Variants in LHFPL3 observed in about 807,000 individuals in gnomAD.
The protein encoded by LHFPL3 is LHFPL tetraspan subfamily member 3.
In LHFPL3, 5 loss-of-function variants were observed where a neutral mutation model predicts 19.3. The ratio of observed to expected loss-of-function variants is 0.26; its 90% CI spans 0.14 to 0.54. LHFPL3 has a LOEUF of 0.54. Ranked by LOEUF, LHFPL3 falls within the 20% of genes least tolerant of loss-of-function variation. The probability of loss-of-function intolerance (pLI) is 0.94; values close to 1 mark genes in which losing one functional copy is unlikely to be tolerated. For missense variants in LHFPL3, 249 were observed against 307.4 expected (o/e 0.81, Z 1.42); for synonymous variants, 133 against 126.2 (o/e 1.05, Z -0.36).
chr7:104,627,054 T>A (rs958944429), intron 1 of LHFPL3, among the ~76,000 whole-genome samples: 9 of 152,218 alleles, frequency 5.9e-5, no homozygotes, highest in African/African-American at 2.2e-4. Flanking sequence ...ATAGCCCACA[T>A]GTTTTACAGT....
chr7:104,480,203 T>C (rs1300288352), intron 1 of LHFPL3, among the ~76,000 whole-genome samples: 1 of 152,210 alleles, frequency 6.6e-6, no homozygotes, highest in Non-Finnish European at 1.5e-5. Context: ...TCTCTGAGCC[T>C]CTTCCTTTAA....
chr7:104,870,686 T>G (rs1425034063), intron 2 of LHFPL3, among the ~76,000 whole-genome samples: 1 of 152,164 alleles, frequency 6.6e-6, no homozygotes, highest in African/African-American at 2.4e-5. Flanking sequence ...GCCCAGCTGA[T>G]GCAGAGAAGA....
intron 1 of LHFPL3, among the ~76,000 whole-genome samples, chr7:104,710,440 T>A (rs1037571402): frequency 6.6e-6 from 1 of 152,206 alleles, no homozygotes; most frequent in African/African-American, 2.4e-5. Context: ...TCTCACCAAT[T>A]CTTAGGTGAA....
intron 1 of LHFPL3, among the ~76,000 whole-genome samples, chr7:104,459,718 C>A (rs1179683700): frequency 6.6e-6 from 1 of 152,096 alleles, no homozygotes; most frequent in African/African-American, 2.4e-5. Context: ...TATTCTTGTC[C>A]TTTTGTTCCT....
intron 1 of LHFPL3, among the ~76,000 whole-genome samples, chr7:104,641,123 G>C (rs1791824881): frequency 6.6e-6 from 1 of 152,114 alleles, no homozygotes; most frequent in African/African-American, 2.4e-5. Context: ...CTGTGTTTTG[G>C]TACTGCATTA....
rs934500075 is a variant in LHFPL3 at position 104,399,892 on chromosome 7, G to A, written c.445+70668G>A. Among the ~76,000 whole-genome samples, 13 of 151,124 alleles carry A rather than the reference G, an allele frequency of 8.6e-5. No homozygotes were observed. Among genetic ancestry groups the A allele is most frequent in the Non-Finnish European group, 1.0e-4 (7 of 67,762 alleles). ...GAGCCGAGGCAGGTGGATCACGTGA[G>A]GTCGAGTTTGAGACCAGCCTGGCCA... On this transcript the variant is annotated intron_variant, in intron 1 of 2. Transcript: ENST00000424859. The surrounding 1 kb of genome is among the most constrained non-coding windows in gnomAD (Gnocchi z 4.4).
At chr7:104,807,396 C>G (rs924489056) in intron 2 of LHFPL3, among the ~76,000 whole-genome samples, 1 of 152,178 alleles carries the variant, frequency 6.6e-6, no homozygotes, top group Non-Finnish European at 1.5e-5. Context: ...TCCTGGACTT[C>G]TAGTCTGCAG....
At chr7:104,466,337 G>C (rs569197825) in intron 1 of LHFPL3, among the ~76,000 whole-genome samples, 20 of 152,260 alleles carry the variant, frequency 1.3e-4, no homozygotes, top group African/African-American at 4.8e-4. Flanking sequence ...TGAATTGAAG[G>C]GCTAAAGTGC....
At chr7:104,554,184 G>A (rs1794714576) in intron 1 of LHFPL3, among the ~76,000 whole-genome samples, 1 of 151,934 alleles carries the variant, frequency 6.6e-6, no homozygotes, top group Non-Finnish European at 1.5e-5. Context: ...CCTTGTGTTT[G>A]CTTGTTTTGC....
intron 1 of LHFPL3, among the ~76,000 whole-genome samples, chr7:104,342,828 T>G (rs1447129055): frequency 6.6e-6 from 1 of 152,214 alleles, no homozygotes; most frequent in Non-Finnish European, 1.5e-5. Flanking sequence ...AATTTGAAAC[T>G]GTACTGATAG....
At chr7:104,846,469 A>C (rs1791314565) in intron 2 of LHFPL3, among the ~76,000 whole-genome samples, 1 of 152,100 alleles carries the variant, frequency 6.6e-6, no homozygotes, top group Non-Finnish European at 1.5e-5. Flanking sequence ...CAGTGTTGAG[A>C]CCCAACCCAT....
At chr7:104,616,038 A>G (rs1260273575) in intron 1 of LHFPL3, among the ~76,000 whole-genome samples, 4 of 152,234 alleles carry the variant, frequency 2.6e-5, no homozygotes, top group African/African-American at 9.6e-5. Context: ...GGAAGAATCA[A>G]TATCGTGAAA....
chr7:104,416,186 T>C (rs1334208429), intron 1 of LHFPL3, among the ~76,000 whole-genome samples: 1 of 152,032 alleles, frequency 6.6e-6, no homozygotes, highest in Non-Finnish European at 1.5e-5. Flanking sequence ...TGACAACAGG[T>C]GCAGGGAGTG....
At position 104,328,606 on chromosome 7, in the gene LHFPL3, C is replaced by T. The variant is rs565470415; in HGVS notation, c.-174C>T. The T allele has an allele frequency of 1.3e-5, 8 of 635,194 alleles. No homozygotes were observed. Among genetic ancestry groups the T allele is most frequent in the Non-Finnish European group, 2.7e-6 (1 of 368,038 alleles). 39.3% of individuals were successfully genotyped at this position (635,194 alleles called of 1,614,324 possible). Reference sequence around the variant, plus strand: ...GCGAGCCGGAGGGGTGCTCCGCGCTCCCCCGCCCTCCTTCCGGGAGCGAGG... The same window carrying T: ...GCGAGCCGGAGGGGTGCTCCGCGCTTCCCCGCCCTCCTTCCGGGAGCGAGG... On this transcript the variant is annotated 5_prime_UTR_variant, in exon 1 of 3. Coordinates refer to ENST00000424859, the MANE Select transcript of LHFPL3 (RefSeq NM_199000.3). This position sits in a 1 kb window ranked among gnomAD's most constrained non-coding sequence, Gnocchi z 4.6.
chr7:104,475,584 G>A (rs979023573), intron 1 of LHFPL3, among the ~76,000 whole-genome samples: 7 of 152,040 alleles, frequency 4.6e-5, no homozygotes, highest in Admixed American at 6.5e-5. Flanking sequence ...TGAGATGGTC[G>A]ATTTTTTAAT....
At chr7:104,471,055 T>C (rs925137334) in intron 1 of LHFPL3, among the ~76,000 whole-genome samples, 7 of 152,228 alleles carry the variant, frequency 4.6e-5, no homozygotes, top group Non-Finnish European at 5.9e-5. Context: ...CCTTGGCCTA[T>C]AAGAAGGGAA....
At chr7:104,564,457 G>C (rs1790080209) in intron 1 of LHFPL3, among the ~76,000 whole-genome samples, 1 of 152,190 alleles carries the variant, frequency 6.6e-6, no homozygotes, top group African/African-American at 2.4e-5. Flanking sequence ...GGCCTGTGGT[G>C]TGTAAAATCT....
chr7:104,807,440 C>T (rs2116492609), intron 2 of LHFPL3, among the ~76,000 whole-genome samples: 1 of 152,278 alleles, frequency 6.6e-6, no homozygotes. Flanking sequence ...TTGTTTAAGC[C>T]ACACCGTTTG....
At chr7:104,781,576 A>G (rs1794715005) in intron 2 of LHFPL3, among the ~76,000 whole-genome samples, 1 of 152,144 alleles carries the variant, frequency 6.6e-6, no homozygotes, top group African/African-American at 2.4e-5. Context: ...ACTGTAAAAT[A>G]AAAACCTTTT....
Sources: allele counts gnomAD v4.1 joint callset (sites outside exome capture counted in the v4.1 genomes callset), GRCh38; gene constraint gnomAD v4.1.1; non-coding constraint Gnocchi (gnomAD v3.1); transcripts MANE v1.5; gene names NCBI Gene and HGNC (gene_info 2026-07-23, HGNC 2026-07-21).